Variants in IGF1R observed in about 807,000 individuals in gnomAD.
IGF1R encodes insulin like growth factor 1 receptor, also known as insulin-like growth factor 1 receptor.
IGF1R carries 44 observed loss-of-function variants against 144.6 expected under a neutral mutation model. The observed-to-expected ratio is 0.30, with a 90% CI of 0.24 to 0.39. The LOEUF is 0.39. IGF1R is among the 10% of genes least tolerant of loss of function. The pLI, the probability that IGF1R is intolerant of heterozygous loss-of-function variation, is 1.00. For synonymous variants in IGF1R, 795 were observed against 722.8 expected (o/e 1.10, Z -1.60); for missense variants, 1,355 against 1,833.7 (o/e 0.74, Z 4.77).
chr15:98,846,166 G>C (rs2011319914), intron 2 of IGF1R, among the ~76,000 whole-genome samples: 2 of 152,176 alleles, frequency 1.3e-5, no homozygotes, highest in South Asian at 4.1e-4. Context: ...TCTTTCAAAT[G>C]GCTTATAAAA....
At chr15:98,924,986 A>G (rs1022178461) in intron 13 of IGF1R, among the ~76,000 whole-genome samples, 1 of 136,152 alleles carries the variant, frequency 7.3e-6, no homozygotes, top group Non-Finnish European at 1.6e-5. Context: ...CCTGGCTTAC[A>G]TTCAAAGACT....
chr15:98,867,045 C>A (rs145801250), intron 2 of IGF1R, among the ~76,000 whole-genome samples: 125 of 152,022 alleles, frequency 8.2e-4, no homozygotes, highest in African/African-American at 3.0e-3. Context: ...GACTGGAAGA[C>A]AAGGAGGCAG....
intron 6 of IGF1R, 138 bp from the exon 7 acceptor site, chr15:98,911,177 A>G: frequency 1.1e-6 from 1 of 912,004 alleles, no homozygotes; most frequent in Non-Finnish European, 1.8e-6. Flanking sequence ...GGAAAACGAG[A>G]AAGCCACTGA....
At position 98,908,773 on chromosome 15, in the gene IGF1R, A is replaced by G. The variant is rs117440569; in HGVS notation, c.1336A>G (p.Met446Val). Reference sequence around the variant, plus strand: ...CAACCTGACCATCAAAGCAGGGAAAATGTACTTTGCTTTCAATCCCAAATT... The same window carrying G: ...CAACCTGACCATCAAAGCAGGGAAAGTGTACTTTGCTTTCAATCCCAAATT... ...HRNLTIKAGKMYFAFNPKLCV... is the reference protein window; with the variant it reads ...HRNLTIKAGKVYFAFNPKLCV... Residue 446 changes from methionine to valine, a missense_variant, in exon 6 of 21, where the codon ATG (methionine) becomes GTG (valine). Physicochemically the swap from Met to Val is conservative, Grantham distance 21 (BLOSUM62 1). Transcript: ENST00000650285. 2,224 of 1,614,194 alleles carry G rather than the reference A, an allele frequency of 1.4e-3. 5 individuals are homozygous for G. Among genetic ancestry groups the G allele is most frequent in the Admixed American group, 1.7e-3 (101 of 60,024 alleles).
chr15:98,839,381 A>G (rs944949266), intron 2 of IGF1R, among the ~76,000 whole-genome samples: 1 of 151,424 alleles, frequency 6.6e-6, no homozygotes, highest in Non-Finnish European at 1.5e-5. Context: ...AGTCTCCCCC[A>G]CCTCCCTACC....
intron 6 of IGF1R, 132 bp downstream of exon 6, chr15:98,909,031 C>G: frequency 5.2e-6 from 4 of 773,818 alleles, no homozygotes; most frequent in Non-Finnish European, 4.5e-6. Context: ...ACCATCTTAA[C>G]TAGCACTTTG....
rs1339459433 is a variant in IGF1R at position 98,891,138 on chromosome 15, A to G, written c.641-187A>G. On this transcript the variant is annotated intron_variant, in intron 2 of 20. Coordinates refer to ENST00000650285, the MANE Select transcript of IGF1R (RefSeq NM_000875.5). The surrounding 1 kb of genome is among the most constrained non-coding windows in gnomAD (Gnocchi z 4.7). ...AACTTTAAAGATATCGACTCTCTGC[A>G]GGTCTAAGTGGATGAAAGGACAGTG... is the stretch of plus-strand genomic sequence containing the variant. Among the ~76,000 whole-genome samples the G allele has an allele frequency of 6.6e-6, 1 of 152,192 alleles. No individual in the cohort carries two copies. Among genetic ancestry groups the G allele is most frequent in the African/African-American group, 2.4e-5 (1 of 41,428 alleles).
intron 1 of IGF1R, among the ~76,000 whole-genome samples, chr15:98,655,727 C>CT (rs534783117): frequency 0.14 from 19,918 of 141,356 alleles, 2,359 homozygotes; most frequent in African/African-American, 0.33. Flanking sequence ...ATTTTTTTTT[C>CT]TTTTTTTTTT....
At chr15:98,912,721 C>CT (rs2015076836) in intron 7 of IGF1R, among the ~76,000 whole-genome samples, 1 of 150,638 alleles carries the variant, frequency 6.6e-6, no homozygotes, top group South Asian at 2.2e-4. Context: ...ACTGACTATG[C>CT]TTGTTTTTTT....
rs368066914 is a variant in IGF1R, at chr15:98,891,451, A to G, written c.767A>G (p.Tyr256Cys). The G allele has an allele frequency of 1.2e-6, 2 of 1,613,832 alleles. No individual in the cohort carries two copies. Among genetic ancestry groups the G allele is most frequent in the South Asian group, 1.1e-5 (1 of 91,072 alleles). Reference protein sequence around the residue: ...TACVACRHYYYAGVCVPACPP... With the variant: ...TACVACRHYYCAGVCVPACPP... Reference sequence around the variant, plus strand: ...TGTGTAGCTTGCCGCCACTACTACTATGCCGGTGTCTGTGTGCCTGCCTGC... The same window carrying G: ...TGTGTAGCTTGCCGCCACTACTACTGTGCCGGTGTCTGTGTGCCTGCCTGC... Residue 256 changes from tyrosine (Y) to cysteine (C), a missense_variant, in exon 3 of 21, where the codon TAT (tyrosine) becomes TGT (cysteine). Coordinates refer to ENST00000650285, the MANE Select transcript of IGF1R (RefSeq NM_000875.5). The surrounding 1 kb of genome is among the most constrained non-coding windows in gnomAD (Gnocchi z 4.7).
At chr15:98,810,151 G>A (rs542988010) in intron 2 of IGF1R, among the ~76,000 whole-genome samples, 43 of 151,926 alleles carry the variant, frequency 2.8e-4, no homozygotes, top group African/African-American at 1.0e-3. Context: ...GGTGGCTGGC[G>A]GAGGGGGTGG....
chr15:98,868,828 C>T (rs1220957002), intron 2 of IGF1R, among the ~76,000 whole-genome samples: 1 of 152,218 alleles, frequency 6.6e-6, no homozygotes, highest in Non-Finnish European at 1.5e-5. Context: ...TACCTTCCTA[C>T]TACTACTAAA....
chr15:98,704,232 G>A lies in IGF1R; in HGVS notation c.95-3330G>A, dbSNP rs1555433741. On this transcript the variant is annotated intron_variant, in intron 1 of 20. Transcript: ENST00000650285. This position sits in a 1 kb window ranked among gnomAD's most constrained non-coding sequence, Gnocchi z 4.9. ...ATAAAATGACTTTTTAGAGAAGCGAGAAGAGAAATGAGAGGTAGGGGAGGG... is the reference window on the plus strand; with the variant it reads ...ATAAAATGACTTTTTAGAGAAGCGAAAAGAGAAATGAGAGGTAGGGGAGGG... 1.3e-5 allele frequency among the ~76,000 whole-genome samples: 2 copies of A among 152,120 alleles called. No individual in the cohort carries two copies. The highest frequency in any genetic ancestry group is 2.9e-5 in the Non-Finnish European group (2 of 68,026).
chr15:98,700,567 A>G (rs917935833), intron 1 of IGF1R, among the ~76,000 whole-genome samples: 3 of 152,108 alleles, frequency 2.0e-5, no homozygotes, highest in African/African-American at 7.2e-5. Flanking sequence ...AGTGGTCCTG[A>G]TGCATGTTGA....
At chr15:98,790,436 T>C (rs936879236) in intron 2 of IGF1R, among the ~76,000 whole-genome samples, 1 of 152,186 alleles carries the variant, frequency 6.6e-6, no homozygotes, top group Non-Finnish European at 1.5e-5. Context: ...AAAGCATGTC[T>C]GGGGAAGCTT....
chr15:98,805,534 CTG>C (rs1175473765), intron 2 of IGF1R, among the ~76,000 whole-genome samples: 1 of 151,932 alleles, frequency 6.6e-6, no homozygotes, highest in Non-Finnish European at 1.5e-5. Flanking sequence ...TTCAGAGCAC[CTG>C]AGAGCACACT....
At chr15:98,888,436 A>AGTGTGTGTGTGT (rs1213205397) in intron 2 of IGF1R, among the ~76,000 whole-genome samples, 10 of 16,708 alleles carry the variant, frequency 6.0e-4, no homozygotes, top group Admixed American at 5.7e-3. Flanking sequence ...AGAGAGAGAG[A>AGTGTGTGTGTGT]GAGTGTGTGT....
At chr15:98,675,822 CTTTCTTT>C (rs2053025082) in intron 1 of IGF1R, among the ~76,000 whole-genome samples, 1 of 114,412 alleles carries the variant, frequency 8.7e-6, no homozygotes, top group African/African-American at 3.5e-5. Context: ...TTCTTTCTTT[CTTTCTTT>C]TTTTTTTTTT....
intron 2 of IGF1R, among the ~76,000 whole-genome samples, chr15:98,850,738 C>A (rs1335008111): frequency 6.6e-6 from 1 of 151,492 alleles, no homozygotes; most frequent in African/African-American, 2.4e-5. Flanking sequence ...AAGGGCTTGG[C>A]ACTTGGTGGG....
Sources: gnomAD v4.1 joint callset for allele counts (sites outside exome capture counted in the v4.1 genomes callset) on GRCh38, gnomAD v4.1.1 for gene constraint, Gnocchi (gnomAD v3.1) non-coding constraint, MANE v1.5 for transcripts, NCBI Gene and HGNC (gene_info 2026-07-23, HGNC 2026-07-21) for gene names.